Variants in ANKRD36C observed in about 807,000 individuals in gnomAD.
ANKRD36C encodes the protein ankyrin repeat domain-containing protein 36C.
ANKRD36C carries 61 observed loss-of-function variants against 276.4 expected under a neutral mutation model. That is an observed-to-expected ratio of 0.22 (90% CI 0.18 to 0.27). The LOEUF (loss-of-function observed/expected upper bound fraction) is 0.27. Among genes scored for constraint, ANKRD36C ranks in the 10% least tolerant of loss-of-function variants. The probability of loss-of-function intolerance (pLI) is 1.00; values close to 1 mark genes in which losing one functional copy is unlikely to be tolerated. For missense variants in ANKRD36C, 1,447 were observed against 2,032.3 expected, an observed-to-expected ratio of 0.71 and a Z score of 5.54; for synonymous variants, 483 against 680.1, an observed-to-expected ratio of 0.71 and a Z score of 4.51.
intron 6 of ANKRD36C, among the ~76,000 whole-genome samples, chr2:95,968,208 A>G (rs1331336334): frequency 6.6e-6 from 1 of 152,222 alleles, no homozygotes; most frequent in East Asian, 1.9e-4. Context: ...GCAGTTCTTT[A>G]GAAACATACT....
At chr2:95,919,835 T>C (rs1677216860) in intron 34 of ANKRD36C, 30 bp from the exon 36 acceptor site, 1 of 1,515,902 alleles carries the variant, frequency 6.6e-7, no homozygotes, top group African/African-American at 1.4e-5. Context: ...AAATAATAAA[T>C]AAATAAATCA....
chr2:95,893,555 C>A (rs1558630262), intron 44 of ANKRD36C: 7 of 1,552,904 alleles, frequency 4.5e-6, no homozygotes, highest in Non-Finnish European at 6.1e-6. Context: ...TTTCTCCATC[C>A]TTTTTTTCTC....
intron 40 of ANKRD36C, 46 bp from the exon 43 acceptor site, chr2:95,912,481 A>G: frequency 6.2e-7 from 1 of 1,603,586 alleles, no homozygotes; most frequent in Non-Finnish European, 8.5e-7. Context: ...TAAATATGAT[A>G]AAGTTATCCA....
At chr2:95,979,101 T>G (rs1264020825) in intron 5 of ANKRD36C, among the ~76,000 whole-genome samples, 3 of 152,002 alleles carry the variant, frequency 2.0e-5, no homozygotes. Flanking sequence ...CCAAGATACA[T>G]ACTAATAAAA....
intron 16 of ANKRD36C, among the ~76,000 whole-genome samples, chr2:95,950,155 A>T (rs542438314): frequency 1.3e-5 from 2 of 152,278 alleles, no homozygotes; most frequent in East Asian, 1.9e-4. Flanking sequence ...ATATTCTCCA[A>T]GCACAGTAAA....
At chr2:95,893,536 T>A in intron 44 of ANKRD36C, 1 of 1,544,870 alleles carries the variant, frequency 6.5e-7, no homozygotes, top group Non-Finnish European at 8.7e-7. Flanking sequence ...AAATTACCTG[T>A]TCTAGATTTT....
chr2:95,867,780 G>A (rs1200441043), intron 59 of ANKRD36C, among the ~76,000 whole-genome samples, 199 bp from the exon 80 acceptor site: 15 of 149,982 alleles, frequency 1.0e-4, no homozygotes. Flanking sequence ...TAGTTTCCCA[G>A]TTCCTATGCT....
chr2:95,893,658 C>T (rs573465489), intron 44 of ANKRD36C, 38 bp downstream of exon 63: 238 of 1,599,776 alleles, frequency 1.5e-4, no homozygotes, highest in Non-Finnish European at 1.9e-4. Context: ...ATAGACCATA[C>T]ATTAACTCGT....
At chr2:95,969,850 C>T (rs2579538) in intron 6 of ANKRD36C, among the ~76,000 whole-genome samples, 1 of 152,038 alleles carries the variant, frequency 6.6e-6, no homozygotes, top group Non-Finnish European at 1.5e-5. Context: ...ACAATTGATC[C>T]ACTTTACCAT....
chr2:95,940,763 C>T (rs988532906), intron 20 of ANKRD36C, among the ~76,000 whole-genome samples: 2 of 148,610 alleles, frequency 1.3e-5, no homozygotes, highest in Non-Finnish European at 3.0e-5. Context: ...TAGCCAGCTG[C>T]TTTCTTAATT....
In ANKRD36C at chr2:95,919,718, T is replaced by C. The variant is rs1677214136; in HGVS notation, c.2246-1676A>G. ...TCTGGATTGAACATGACATTGAATGTGTTTTGCAAATTACCTGTCTCAGAT... is the reference window on the plus strand; with the variant it reads ...TCTGGATTGAACATGACATTGAATGCGTTTTGCAAATTACCTGTCTCAGAT... On this transcript the variant is annotated intron_variant, in intron 34 of 66. Transcript: ENST00000456556. 1.2e-6 allele frequency: 1 copy of C among 866,860 alleles called. No homozygotes were observed. The highest frequency in any genetic ancestry group is 1.6e-4 in the East Asian group (1 of 6,436). The allele number at this position is 866,860 out of a possible 1,614,324, so 53.7% of individuals were successfully genotyped here. A position where few individuals can be genotyped will look rare whatever the true frequency, so the allele number is the denominator to read the frequency against.
At chr2:95,945,979 T>C (rs1678036032) in intron 17 of ANKRD36C, among the ~76,000 whole-genome samples, 2 of 152,224 alleles carry the variant, frequency 1.3e-5, no homozygotes, top group South Asian at 4.1e-4. Flanking sequence ...GTGTTCATAA[T>C]ATATGCCTAA....
In ANKRD36C at chr2:95,895,673, C is replaced by A. The variant is rs955030973; in HGVS notation, c.2755+3472G>T. The stretch of plus-strand genomic sequence containing the variant: ...ACATTCACACAGTGTTAGCATCAAC[C>A]TCTGTCCTCCTGCCTGTATTAGTGG... On this transcript the variant is annotated intron_variant, in intron 44 of 66. Coordinates refer to ENST00000456556, the Ensembl canonical transcript of ANKRD36C. 2.8e-5 allele frequency: 43 copies of A among 1,554,652 alleles called. No homozygotes were observed. The African/African-American group carries it at 5.5e-4, about 20-fold the overall frequency.
Position 95,990,650 on chromosome 2 carries a change from C to G in ANKRD36C, c.197+862G>C, listed in dbSNP as rs1679120791. Among the ~76,000 whole-genome samples the G allele has an allele frequency of 3.9e-5, 6 of 152,178 alleles. No individual in the cohort carries two copies. The South Asian group carries it at 1.2e-3, about 32-fold the overall frequency. On this transcript the variant is annotated intron_variant, in intron 1 of 66. Transcript: ENST00000456556. Reference sequence around the variant, plus strand: ...AAAATTTATAAACATAGAAAGAGCTCAGAACTTTAGAAAAATGTGTCTTTC... The same window carrying G: ...AAAATTTATAAACATAGAAAGAGCTGAGAACTTTAGAAAAATGTGTCTTTC...
chr2:95,951,477 T>C, intron 14 of ANKRD36C, 69 bp from the exon 15 acceptor site: 1 of 1,166,092 alleles, frequency 8.6e-7, no homozygotes, highest in Non-Finnish European at 1.2e-6. Flanking sequence ...TACCCACCAT[T>C]ACTACGTGAT....
At chr2:95,962,526 G>C (rs1678486128) in exon 7 of ANKRD36C, 1 of 1,600,940 alleles carries the variant, frequency 6.2e-7, no homozygotes, top group Admixed American at 1.7e-5. Context: ...TACCTTCAAG[G>C]CTGGTTGTTT....
chr2:95,918,722 G>A (rs1677184351), intron 34 of ANKRD36C, among the ~76,000 whole-genome samples: 1 of 151,498 alleles, frequency 6.6e-6, no homozygotes. Flanking sequence ...TAATATATTA[G>A]CCTCAATAAA....
chr2:95,933,664 G>A (rs1402176253), intron 24 of ANKRD36C, among the ~76,000 whole-genome samples: 1 of 152,066 alleles, frequency 6.6e-6, no homozygotes, highest in Non-Finnish European at 1.5e-5. Context: ...ATCAGCTGAA[G>A]GAGATTTGGG....
In ANKRD36C at chr2:95,923,479, T is replaced by G; in HGVS notation, c.2143+16A>C. Reference sequence around the variant, plus strand: ...TCTGGACTGAACATGACATTTAATGTGTTTTGCAAAATTACCTGTCCCACA... The same window carrying G: ...TCTGGACTGAACATGACATTTAATGGGTTTTGCAAAATTACCTGTCCCACA... On this transcript the variant is annotated intron_variant, in intron 32 of 66. Coordinates refer to ENST00000456556, the Ensembl canonical transcript of ANKRD36C. 2 of 1,609,930 alleles carry G rather than the reference T, an allele frequency of 1.2e-6. No homozygotes were observed. The highest frequency in any genetic ancestry group is 2.7e-5 in the African/African-American group (2 of 74,800).
Sources: allele counts gnomAD v4.1 joint callset (sites outside exome capture counted in the v4.1 genomes callset), GRCh38; gene constraint gnomAD v4.1.1; transcripts MANE v1.5; gene names NCBI Gene and HGNC (gene_info 2026-07-23, HGNC 2026-07-21).